Variants in BBX observed in about 807,000 individuals in gnomAD.
The protein encoded by BBX is BBX high mobility group box domain containing.
Under a neutral mutation model 100.2 loss-of-function variants are expected in BBX, and 30 were observed. The ratio of observed to expected loss-of-function variants is 0.30; its 90% CI spans 0.22 to 0.41. The LOEUF is 0.41. BBX is among the 10% of genes least tolerant of loss of function. The pLI, the probability that BBX is intolerant of heterozygous loss-of-function variation, is 1.00. For synonymous variants in BBX, 376 were observed against 388.1 expected (o/e 0.97, Z 0.37); for missense variants, 1,023 against 1,129.8 (o/e 0.91, Z 1.35).
chr3:107,705,296 G>T (rs1054207419), intron 3 of BBX, among the ~76,000 whole-genome samples: 1 of 152,104 alleles, frequency 6.6e-6, no homozygotes, highest in African/African-American at 2.4e-5. Context: ...GTTTCACTGG[G>T]CGTGAATTTT....
intron 2 of BBX, among the ~76,000 whole-genome samples, chr3:107,596,109 G>A (rs1053414849): frequency 1.3e-5 from 2 of 152,110 alleles, no homozygotes; most frequent in African/African-American, 4.8e-5. Flanking sequence ...GAATCACATA[G>A]TTTAAACCTA....
At chr3:107,650,171 C>T (rs2057758290) in intron 3 of BBX, among the ~76,000 whole-genome samples, 1 of 152,150 alleles carries the variant, frequency 6.6e-6, no homozygotes, top group African/African-American at 2.4e-5. Flanking sequence ...GGGCCTCGGA[C>T]TGGTACTGGT....
intron 2 of BBX, among the ~76,000 whole-genome samples, chr3:107,630,908 A>G (rs1440663551): frequency 6.6e-6 from 1 of 152,178 alleles, no homozygotes; most frequent in Non-Finnish European, 1.5e-5. Context: ...GTCAAAAGCC[A>G]TGCTGTGAAG....
At chr3:107,747,193 A>C (rs994172560) in intron 8 of BBX, among the ~76,000 whole-genome samples, 1 of 152,060 alleles carries the variant, frequency 6.6e-6, no homozygotes, top group Non-Finnish European at 1.5e-5. Flanking sequence ...GTAGGGTGGC[A>C]GACTCTTCCA....
chr3:107,670,513 T>C (rs1230750402), intron 3 of BBX, among the ~76,000 whole-genome samples: 1 of 152,034 alleles, frequency 6.6e-6, no homozygotes, highest in Non-Finnish European at 1.5e-5. Flanking sequence ...ATCGTATGTA[T>C]TGAAATATCA....
intron 2 of BBX, among the ~76,000 whole-genome samples, chr3:107,583,950 T>TATTATA (rs1228095259): frequency 1.3e-5 from 1 of 76,218 alleles, no homozygotes; most frequent in Non-Finnish European, 2.3e-5. Flanking sequence ...ATATATATTA[T>TATTATA]TATATTATAT....
At chr3:107,641,087 CTT>C (rs11403529) in intron 2 of BBX, among the ~76,000 whole-genome samples, 11 of 139,402 alleles carry the variant, frequency 7.9e-5, no homozygotes, top group Non-Finnish European at 9.3e-5. Flanking sequence ...TCTTTTCTTT[CTT>C]TTTTTTTTTT....
intron 3 of BBX, among the ~76,000 whole-genome samples, chr3:107,671,959 C>G (rs1454166895): frequency 6.6e-6 from 1 of 152,036 alleles, no homozygotes; most frequent in African/African-American, 2.4e-5. Context: ...ACAGAAAGAT[C>G]AACATGGTTT....
chr3:107,658,720 TTGTG>T (rs139059517), intron 3 of BBX, among the ~76,000 whole-genome samples: 4 of 151,276 alleles, frequency 2.6e-5, no homozygotes, highest in East Asian at 1.9e-4. Flanking sequence ...ATTTCTTTGT[TTGTG>T]TGTGTGTGTG....
chr3:107,582,512 T>C (rs1216064415), intron 2 of BBX, among the ~76,000 whole-genome samples: 1 of 152,084 alleles, frequency 6.6e-6, no homozygotes, highest in Non-Finnish European at 1.5e-5. Context: ...TTAAGACAGT[T>C]CCCAGGGACA....
intron 3 of BBX, among the ~76,000 whole-genome samples, chr3:107,647,616 C>T (rs2107793323): frequency 6.6e-6 from 1 of 152,224 alleles, no homozygotes; most frequent in South Asian, 2.1e-4. Flanking sequence ...ATACAAAAAC[C>T]AGGAGTAATT....
intron 3 of BBX, among the ~76,000 whole-genome samples, chr3:107,659,053 A>G (rs1331245570): frequency 5.3e-5 from 8 of 152,090 alleles, no homozygotes; most frequent in Non-Finnish European, 1.2e-4. Context: ...ATAGATCACT[A>G]CTTTCCATTT....
intron 2 of BBX, among the ~76,000 whole-genome samples, chr3:107,594,530 A>G (rs1175905879): frequency 6.6e-6 from 1 of 152,136 alleles, no homozygotes; most frequent in Non-Finnish European, 1.5e-5. Flanking sequence ...ATTTCCAGAG[A>G]GATCGCATTT....
Position 107,807,255 on chromosome 3 carries a change from A to G in BBX, c.*1798A>G, listed in dbSNP as rs1283374671. 1 of 152,168 alleles carries G rather than the reference A, an allele frequency of 6.6e-6. No homozygotes were observed. Among genetic ancestry groups the G allele is most frequent in the Admixed American group, 6.5e-5 (1 of 15,282 alleles). The allele number at this position is 152,168 out of a possible 1,614,324, so 9.4% of individuals were successfully genotyped here. ...AAAGCATCGGAATGATGTGCTCAAA[A>G]ATGCATATTCCTGGTGGGGATGGAG... On this transcript the variant is annotated 3_prime_UTR_variant, in exon 18 of 18. Transcript: ENST00000325805.
chr3:107,711,958 A>G (rs1189781841), intron 4 of BBX, among the ~76,000 whole-genome samples: 1 of 151,864 alleles, frequency 6.6e-6, no homozygotes. Context: ...TGTAGCTTCC[A>G]TCCACCTCCC....
At chr3:107,627,465 T>TTAGGTA (rs1559890889) in intron 2 of BBX, among the ~76,000 whole-genome samples, 2 of 152,222 alleles carry the variant, frequency 1.3e-5, no homozygotes, top group Non-Finnish European at 2.9e-5. Flanking sequence ...AGGTTGTTAT[T>TTAGGTA]TAGGTAGTAG....
At chr3:107,600,305 ATTG>A (rs2053975426) in intron 2 of BBX, among the ~76,000 whole-genome samples, 1 of 152,220 alleles carries the variant, frequency 6.6e-6, no homozygotes, top group Non-Finnish European at 1.5e-5. Context: ...AAGAAGCCAC[ATTG>A]TTCTGTTATA....
intron 2 of BBX, among the ~76,000 whole-genome samples, chr3:107,552,827 C>T (rs1228878079): frequency 2.0e-5 from 3 of 152,148 alleles, no homozygotes. Context: ...TATATTTCAG[C>T]TAGTCTCAAC....
rs778946249 is a variant in BBX at position 107,645,874 on chromosome 3, C to G, written c.-45C>G. ...CACAGAAGCTGGAAGTTCTGATGTT[C>G]CACTGAAATCACAATGGAAAGTCTT... is the stretch of plus-strand genomic sequence containing the variant. On this transcript the variant is annotated 5_prime_UTR_variant, in exon 3 of 18. Transcript: ENST00000325805. The G allele has an allele frequency of 6.6e-6, 1 of 152,554 alleles. No homozygotes were observed. The highest frequency in any genetic ancestry group is 2.4e-5 in the African/African-American group (1 of 41,440). The allele number at this position is 152,554 out of a possible 1,614,324, so 9.5% of individuals were successfully genotyped here.
Sources: allele counts gnomAD v4.1 joint callset (sites outside exome capture counted in the v4.1 genomes callset), GRCh38; gene constraint gnomAD v4.1.1; transcripts MANE v1.5; gene names NCBI Gene and HGNC (gene_info 2026-07-23, HGNC 2026-07-21).